Variants in TCF12 observed in about 807,000 individuals in gnomAD.
TCF12 encodes transcription factor 12.
A neutral mutation model predicts 86.0 loss-of-function variants in TCF12; 45 were observed. The ratio of observed to expected loss-of-function variants is 0.52; its 90% CI spans 0.41 to 0.67. The LOEUF is 0.67. Among genes scored for constraint, TCF12 ranks in the 30% least tolerant of loss-of-function variants. The pLI is 0.00. For missense variants in TCF12, 881 were observed against 859.9 expected, an observed-to-expected ratio of 1.02 and a Z score of -0.31; for synonymous variants, 330 against 299.6, an observed-to-expected ratio of 1.10 and a Z score of -1.05.
chr15:57,044,389 C>G (rs1396786484), intron 3 of TCF12, among the ~76,000 whole-genome samples: 1 of 151,154 alleles, frequency 6.6e-6, no homozygotes, highest in East Asian at 1.9e-4. Flanking sequence ...TGATGAAACC[C>G]CGTCTCTTAA....
At chr15:57,148,679 G>C (rs1056132196) in intron 5 of TCF12, among the ~76,000 whole-genome samples, 1 of 141,750 alleles carries the variant, frequency 7.1e-6, no homozygotes, top group African/African-American at 2.6e-5. Flanking sequence ...CTAGGAGTTC[G>C]AGACCAGCCT....
At chr15:57,016,011 C>A (rs1228801565) in intron 3 of TCF12, among the ~76,000 whole-genome samples, 1 of 152,158 alleles carries the variant, frequency 6.6e-6, no homozygotes, top group Non-Finnish European at 1.5e-5. Flanking sequence ...CATATGATTG[C>A]TGAGATTTCT....
At chr15:57,196,180 G>C (rs12912810) in intron 7 of TCF12, among the ~76,000 whole-genome samples, 1 of 151,244 alleles carries the variant, frequency 6.6e-6, no homozygotes, top group Non-Finnish European at 1.5e-5. Flanking sequence ...AAAAAAAAAT[G>C]TAATGGGTGA....
In TCF12 at chr15:56,973,843, T is replaced by TA. The variant is rs148841904; in HGVS notation, c.148+52746dup. Among the ~76,000 whole-genome samples, 3 of 152,222 alleles carry TA rather than the reference T, an allele frequency of 2.0e-5. No homozygotes were observed. In the East Asian group the frequency reaches 5.8e-4, roughly 29 times the overall value. ...GGACAAGTTGACAAGTGTCTCCTGA[T>TA]ATAGAGCACTGAGAAGACACCATCA... On this transcript the variant is annotated intron_variant, in intron 3 of 20. Transcript: ENST00000333725.
At chr15:57,073,118 G>A (rs1301488001) in intron 4 of TCF12, among the ~76,000 whole-genome samples, 1 of 152,022 alleles carries the variant, frequency 6.6e-6, no homozygotes, top group African/African-American at 2.4e-5. Flanking sequence ...GCTTTGCTGT[G>A]GATCTTTTTG....
chr15:57,080,259 C>A (rs1405485913), intron 4 of TCF12, among the ~76,000 whole-genome samples: 1 of 152,114 alleles, frequency 6.6e-6, no homozygotes, highest in Non-Finnish European at 1.5e-5. Context: ...GATAGTGAAA[C>A]CTTTCTGTTT....
chr15:57,251,438 T>C lies in TCF12; in HGVS notation c.1188+15T>C, dbSNP rs2060112447. 6.2e-7 allele frequency: 1 copy of C among 1,613,020 alleles called. No individual in the cohort carries two copies. Among genetic ancestry groups the C allele is most frequent in the Non-Finnish European group, 8.5e-7 (1 of 1,179,204 alleles). On this transcript the variant is annotated intron_variant, in intron 14 of 20. Transcript: ENST00000333725. ...TCCACTCCCTGGTAAGAGCCTCTTA[T>C]ACATCAGTTTTATCTGATAGCTTAG...
At chr15:56,992,163 CAGG>C (rs2063491923) in intron 3 of TCF12, among the ~76,000 whole-genome samples, 1 of 151,404 alleles carries the variant, frequency 6.6e-6, no homozygotes, top group Admixed American at 6.6e-5. Context: ...CCCACTTACT[CAGG>C]AGGCTGAGGT....
At chr15:57,144,328 A>G (rs2151423308) in intron 5 of TCF12, among the ~76,000 whole-genome samples, 1 of 152,258 alleles carries the variant, frequency 6.6e-6, no homozygotes, top group East Asian at 1.9e-4. Flanking sequence ...TGAAAGTGAC[A>G]GAAAGAGAAA....
At chr15:57,223,667 T>G (rs200081734) in intron 8 of TCF12, among the ~76,000 whole-genome samples, 4 of 114,968 alleles carry the variant, frequency 3.5e-5, no homozygotes, top group East Asian at 2.6e-4. Flanking sequence ...TTTTTTTTTT[T>G]TTTTAGAAAT....
chr15:56,977,806 T>G (rs544916264), intron 3 of TCF12, among the ~76,000 whole-genome samples: 1 of 152,322 alleles, frequency 6.6e-6, no homozygotes, highest in South Asian at 2.1e-4. Context: ...GATACTTCTA[T>G]AGAGCTTCTC....
intron 3 of TCF12, among the ~76,000 whole-genome samples, chr15:57,031,557 G>A (rs1567287595): frequency 6.6e-6 from 1 of 152,110 alleles, no homozygotes; most frequent in Non-Finnish European, 1.5e-5. Context: ...GGGTAATATG[G>A]AGTGAACACA....
At chr15:57,053,163 A>G (rs2067758835) in intron 3 of TCF12, among the ~76,000 whole-genome samples, 1 of 152,180 alleles carries the variant, frequency 6.6e-6, no homozygotes, top group South Asian at 2.1e-4. Context: ...TTGCCATTCT[A>G]ACAGGTATGA....
intron 3 of TCF12, among the ~76,000 whole-genome samples, chr15:57,003,225 A>G (rs1325665206): frequency 1.3e-5 from 2 of 152,210 alleles, no homozygotes; most frequent in African/African-American, 4.8e-5. Flanking sequence ...TAAAGTTGTC[A>G]TGGACACCGA....
intron 3 of TCF12, among the ~76,000 whole-genome samples, chr15:57,051,818 A>AT (rs1229939278): frequency 6.6e-6 from 1 of 152,200 alleles, no homozygotes; most frequent in Admixed American, 6.5e-5. Flanking sequence ...TGAATTTTTC[A>AT]TATGATGTGA....
At chr15:57,042,072 T>TA (rs1423268912) in intron 3 of TCF12, among the ~76,000 whole-genome samples, 1 of 152,236 alleles carries the variant, frequency 6.6e-6, no homozygotes, top group African/African-American at 2.4e-5. Context: ...CATGCCCATT[T>TA]ACTCAATTTA....
intron 12 of TCF12, among the ~76,000 whole-genome samples, chr15:57,241,497 C>T (rs1391170970): frequency 6.6e-6 from 1 of 152,100 alleles, no homozygotes; most frequent in Non-Finnish European, 1.5e-5. Context: ...ATAGAGTATA[C>T]AGTGTCTAGA....
intron 3 of TCF12, among the ~76,000 whole-genome samples, chr15:57,026,115 G>A (rs72751014): frequency 6.6e-6 from 1 of 152,300 alleles, no homozygotes; most frequent in Non-Finnish European, 1.5e-5. Flanking sequence ...GAAAGGACCA[G>A]GTAAACATTG....
chr15:57,163,473 G>A (rs929790568), intron 5 of TCF12, among the ~76,000 whole-genome samples: 1 of 152,176 alleles, frequency 6.6e-6, no homozygotes, highest in Admixed American at 6.5e-5. Flanking sequence ...GCTGAGGTAG[G>A]AGGGTTGCTT....
Sources: gnomAD v4.1 joint callset for allele counts (sites outside exome capture counted in the v4.1 genomes callset) on GRCh38, gnomAD v4.1.1 for gene constraint, MANE v1.5 for transcripts, NCBI Gene and HGNC (gene_info 2026-07-23, HGNC 2026-07-21) for gene names.